TPH2: variants seen among roughly 807,000 people sequenced by gnomAD.
TPH2 encodes tryptophan 5-hydroxylase 2.
Under a neutral mutation model 59.1 loss-of-function variants are expected in TPH2, and 27 were observed. That is an observed-to-expected ratio of 0.46 (90% CI 0.34 to 0.63). The LOEUF (loss-of-function observed/expected upper bound fraction) is 0.63. TPH2 is among the 30% of genes least tolerant of loss of function. The probability of loss-of-function intolerance (pLI) is 0.01; values close to 1 mark genes in which losing one functional copy is unlikely to be tolerated. For missense variants in TPH2, 523 were observed against 588.3 expected, an observed-to-expected ratio of 0.89 and a Z score of 1.15; for synonymous variants, 220 against 210.5, an observed-to-expected ratio of 1.05 and a Z score of -0.39.
At chr12:71,978,883 A>G (rs943694298) in intron 6 of TPH2, 69 bp from the exon 7 acceptor site, 1 of 1,592,672 alleles carries the variant, frequency 6.3e-7, no homozygotes. Context: ...TAAATAGTAG[A>G]AGCTCCTGCT....
intron 5 of TPH2, among the ~76,000 whole-genome samples, chr12:71,957,940 A>G (rs1263317979): frequency 6.6e-6 from 1 of 152,196 alleles, no homozygotes; most frequent in Non-Finnish European, 1.5e-5. Context: ...CTCAGCTAAC[A>G]CTTTCAGATT....
chr12:72,029,739 G>A (rs1487699643), intron 9 of TPH2, among the ~76,000 whole-genome samples: 1 of 152,106 alleles, frequency 6.6e-6, no homozygotes, highest in Non-Finnish European at 1.5e-5. Flanking sequence ...GCATTTATCT[G>A]GACAATGGAA....
chr12:71,980,418 G>A (rs1053814242), intron 7 of TPH2, among the ~76,000 whole-genome samples: 1 of 152,116 alleles, frequency 6.6e-6, no homozygotes, highest in African/African-American at 2.4e-5. Flanking sequence ...GTGAGCAAGG[G>A]TAAGTCAAGT....
intron 5 of TPH2, chr12:71,964,713 A>G: frequency 1.0e-6 from 1 of 985,364 alleles, no homozygotes; most frequent in East Asian, 1.1e-4. Flanking sequence ...ACCTGGTGTG[A>G]CACCTCAGTT....
At chr12:72,010,737 G>A (rs1873079384) in intron 8 of TPH2, among the ~76,000 whole-genome samples, 1 of 152,110 alleles carries the variant, frequency 6.6e-6, no homozygotes, top group Non-Finnish European at 1.5e-5. Context: ...AAAAGGCAGT[G>A]GTGACTACCC....
intron 4 of TPH2, 93 bp downstream of exon 4, chr12:71,944,779 T>G: frequency 8.8e-7 from 1 of 1,134,316 alleles, no homozygotes; most frequent in Non-Finnish European, 1.3e-6. Context: ...AATGCTTTAT[T>G]ATAGAACAAT....
chr12:72,024,918 A>G (rs1873526938), intron 9 of TPH2, among the ~76,000 whole-genome samples: 1 of 152,134 alleles, frequency 6.6e-6, no homozygotes, highest in Admixed American at 6.6e-5. Flanking sequence ...CAACACCCCT[A>G]AGATTGCTAC....
At chr12:71,951,273 T>A (rs1347162735) in intron 5 of TPH2, among the ~76,000 whole-genome samples, 1 of 152,186 alleles carries the variant, frequency 6.6e-6, no homozygotes, top group Admixed American at 6.5e-5. Flanking sequence ...GTGAGCCTTA[T>A]GATTGGCTTC....
intron 5 of TPH2, among the ~76,000 whole-genome samples, chr12:71,968,484 C>T (rs1871878546): frequency 6.6e-6 from 1 of 152,214 alleles, no homozygotes; most frequent in East Asian, 1.9e-4. Flanking sequence ...TCCAGGCTCC[C>T]CGTGGTACAC....
At chr12:71,979,597 A>G (rs1019099104) in intron 7 of TPH2, among the ~76,000 whole-genome samples, 25 of 152,194 alleles carry the variant, frequency 1.6e-4, no homozygotes, top group Non-Finnish European at 2.9e-5. Flanking sequence ...CTCCAGATAT[A>G]GATGAGGTTT....
intron 5 of TPH2, among the ~76,000 whole-genome samples, chr12:71,953,556 G>A (rs1045796748): frequency 2.6e-5 from 4 of 152,124 alleles, no homozygotes; most frequent in African/African-American, 7.2e-5. Flanking sequence ...ATTGAAATAG[G>A]TATTTTTCTA....
At chr12:71,946,034 C>T (rs537928731) in intron 4 of TPH2, among the ~76,000 whole-genome samples, 2 of 151,878 alleles carry the variant, frequency 1.3e-5, no homozygotes, top group East Asian at 1.9e-4. Flanking sequence ...GCACGGGAAC[C>T]TGACGTAGGA....
Position 72,031,382 on chromosome 12 carries a change from A to G in TPH2, c.1289A>G (p.Glu430Gly), listed in dbSNP as rs371729573. 128 of 1,613,570 alleles carry G rather than the reference A, an allele frequency of 7.9e-5. No individual in the cohort carries two copies. The highest frequency in any genetic ancestry group is 1.1e-4 in the Non-Finnish European group (126 of 1,179,642). The change falls in exon 10 of 11, where the codon GAA (glutamate) becomes GGA (glycine). Residue 430 changes from glutamate to glycine, a missense_variant. Coordinates refer to ENST00000333850, the MANE Select transcript of TPH2 (RefSeq NM_173353.4). ...TCAGAAAGTTTTGAAGAAGCCAAAG[A>G]AAAGATGAGGTAAACTTTTTTTTCC... ...FVSESFEEAK[E>G]KMRDFAKSIT... is the part of the protein sequence containing the mutation.
chr12:72,008,778 G>C (rs541470500), intron 8 of TPH2, among the ~76,000 whole-genome samples: 1 of 152,090 alleles, frequency 6.6e-6, no homozygotes, highest in Admixed American at 6.6e-5. Flanking sequence ...AGGAGTTTAG[G>C]GTGTTAGGGT....
chr12:71,957,122 T>C (rs1456681296), intron 5 of TPH2, among the ~76,000 whole-genome samples: 2 of 152,178 alleles, frequency 1.3e-5, no homozygotes, highest in Non-Finnish European at 2.9e-5. Flanking sequence ...CTAGTCTCTC[T>C]AATTCTCAAG....
intron 8 of TPH2, among the ~76,000 whole-genome samples, chr12:71,998,272 T>G (rs1048871419): frequency 6.6e-6 from 1 of 152,134 alleles, no homozygotes; most frequent in African/African-American, 2.4e-5. Flanking sequence ...TTTTCCCAAT[T>G]CTATAGGCTG....
intron 5 of TPH2, chr12:71,962,390 A>G: frequency 1.0e-6 from 1 of 985,462 alleles, no homozygotes; most frequent in African/African-American, 1.7e-5. Flanking sequence ...CTTTGGGTTT[A>G]CATATGCTGC....
chr12:71,994,547 T>C lies in TPH2; in HGVS notation c.1050T>C (p.Asp350=), dbSNP rs886049816. Residue 350 remains aspartate (D), a synonymous_variant, in exon 8 of 11, where the codon GAT becomes GAC. Transcript: ENST00000333850. ...CGTCTCTGGGAGCATCAGATGAAGA[T>C]GTTCAGAAACTAGCCACGGTGAGTT... is the stretch of plus-strand genomic sequence containing the variant. ...GLASLGASDE[D]VQKLATCYFF... 4.3e-6 allele frequency: 7 copies of C among 1,613,866 alleles called. No homozygotes were observed. In the Admixed American group the frequency reaches 5.0e-5, roughly 12 times the overall value.
At chr12:71,979,189 C>T in intron 7 of TPH2, 102 bp downstream of exon 7, 1 of 1,502,172 alleles carries the variant, frequency 6.7e-7, no homozygotes, top group South Asian at 1.1e-5. Context: ...AAACTAATTT[C>T]CTTGAGCTAG....
Sources: gnomAD v4.1 joint callset for allele counts (sites outside exome capture counted in the v4.1 genomes callset) on GRCh38, gnomAD v4.1.1 for gene constraint, MANE v1.5 for transcripts, NCBI Gene and HGNC (gene_info 2026-07-23, HGNC 2026-07-21) for gene names.